The following MGAT5B variants were observed in gnomAD, a reference collection of about 807,000 sequenced individuals.
The protein encoded by MGAT5B is alpha-1,6-mannosylglycoprotein 6-beta-N-acetylglucosaminyltransferase B.
A neutral mutation model predicts 95.1 loss-of-function variants in MGAT5B; 54 were observed. That is an observed-to-expected ratio of 0.57 (90% confidence interval 0.46 to 0.71). The LOEUF is 0.71. MGAT5B is among the 30% of genes least tolerant of loss of function. MGAT5B has a pLI of 0.00. For missense variants in MGAT5B, 935 were observed against 1,088.6 expected (o/e 0.86, Z 1.99); for synonymous variants, 464 against 451.0 (o/e 1.03, Z -0.36).
At chr17:76,872,599 T>A (rs151248673) in intron 1 of MGAT5B, 9 of 1,417,354 alleles carry the variant, frequency 6.3e-6, no homozygotes, top group African/African-American at 4.3e-5. Context: ...GCCTGCCTCA[T>A]GCCTAAGTGT....
chr17:76,892,395 G>A (rs1478821407), intron 3 of MGAT5B, among the ~76,000 whole-genome samples: 1 of 152,242 alleles, frequency 6.6e-6, no homozygotes, highest in Non-Finnish European at 1.5e-5. Context: ...CTGGGCCAGT[G>A]ACCTCTGCCC....
At chr17:76,872,056 C>T (rs1193865745) in intron 1 of MGAT5B, among the ~76,000 whole-genome samples, 1 of 152,148 alleles carries the variant, frequency 6.6e-6, no homozygotes, top group African/African-American at 2.4e-5. Context: ...CTGTTCTGAC[C>T]AGCCCTCCCT....
Position 76,889,983 on chromosome 17 carries a change from G to A in MGAT5B, c.329+7685G>A, listed in dbSNP as rs1362244452. ...CCAGCTTTTCTGTTGAAGGCAGGGC[G>A]GGACCAGAGACCTTCACTCCCCTAC... On this transcript the variant is annotated intron_variant, in intron 3 of 17. Transcript: ENST00000569840. This position sits in a 1 kb window ranked among gnomAD's most constrained non-coding sequence, Gnocchi z 4.4. Among the ~76,000 whole-genome samples the A allele has an allele frequency of 2.0e-5, 3 of 152,224 alleles. No homozygotes were observed. The highest frequency in any genetic ancestry group is 2.9e-5 in the Non-Finnish European group (2 of 68,032).
chr17:76,941,088 G>A (rs1969852203), intron 15 of MGAT5B, among the ~76,000 whole-genome samples: 2 of 152,238 alleles, frequency 1.3e-5, no homozygotes, highest in Admixed American at 6.5e-5. Flanking sequence ...TTTGTGCAGT[G>A]AGCAACCTGC....
chr17:76,869,344 G>A lies in MGAT5B; in HGVS notation c.68+247G>A, dbSNP rs1966908953. ...AGGGTTGGAGAGGACTCGGGGTGCA[G>A]AGGTAAGAATGGGGGCAGAAAACCC... is the stretch of plus-strand genomic sequence containing the variant. On this transcript the variant is annotated intron_variant, in intron 1 of 17. Transcript: ENST00000569840. This position sits in a 1 kb window ranked among gnomAD's most constrained non-coding sequence, Gnocchi z 7.0. 6.6e-6 allele frequency among the ~76,000 whole-genome samples: 1 copy of A among 152,072 alleles called. No homozygotes were observed. The highest frequency in any genetic ancestry group is 1.5e-5 in the Non-Finnish European group (1 of 68,006).
At position 76,870,057 on chromosome 17, in the gene MGAT5B, C is replaced by T. The variant is rs1038548647; in HGVS notation, c.68+960C>T. Among the ~76,000 whole-genome samples the T allele has an allele frequency of 6.6e-6, 1 of 152,184 alleles. No homozygotes were observed. The highest frequency in any genetic ancestry group is 6.5e-5 in the Admixed American group (1 of 15,286). ...ACCGCCCCGGCGCGGGGGCCGGACT[C>T]GGGACGTGGCCACAGGTGGGCTCCG... On this transcript the variant is annotated intron_variant, in intron 1 of 17. Coordinates refer to ENST00000569840, the MANE Select transcript of MGAT5B (RefSeq NM_001199172.2). The surrounding 1 kb of genome is among the most constrained non-coding windows in gnomAD (Gnocchi z 5.0).
chr17:76,933,263 T>A, intron 11 of MGAT5B, 29 bp from the exon 12 acceptor site: 1 of 1,598,328 alleles, frequency 6.3e-7, no homozygotes, highest in South Asian at 1.1e-5. Flanking sequence ...CTCTCTCTGT[T>A]CCTTGTGCTC....
intron 10 of MGAT5B, among the ~76,000 whole-genome samples, chr17:76,927,968 A>C (rs909556919): frequency 3.3e-5 from 5 of 152,376 alleles, no homozygotes; most frequent in Non-Finnish European, 7.3e-5. Context: ...TGTCAAATTC[A>C]TGGCATCTCT....
rs745536227 is a variant in MGAT5B, at chr17:76,906,500, G to A, written c.1025+313G>A. ...TTGTGGAATTGAGCCACGTCTGCAC[G>A]TGGGGTCCCCTCTGCCTGCCGTCCT... On this transcript the variant is annotated intron_variant, in intron 8 of 17. Coordinates refer to ENST00000569840, the MANE Select transcript of MGAT5B (RefSeq NM_001199172.2). The surrounding 1 kb of genome is among the most constrained non-coding windows in gnomAD (Gnocchi z 4.6). Among the ~76,000 whole-genome samples the A allele has an allele frequency of 6.6e-5, 10 of 152,250 alleles. No homozygotes were observed. The highest frequency in any genetic ancestry group is 4.6e-4 in the Admixed American group (7 of 15,292).
intron 15 of MGAT5B, among the ~76,000 whole-genome samples, chr17:76,944,872 G>A (rs975355361): frequency 6.6e-6 from 1 of 152,246 alleles, no homozygotes; most frequent in African/African-American, 2.4e-5. Context: ...ACGCTGATGA[G>A]GAAGAAAGGA....
intron 8 of MGAT5B, among the ~76,000 whole-genome samples, chr17:76,924,589 C>T (rs1345718495): frequency 1.3e-5 from 2 of 152,206 alleles, no homozygotes; most frequent in African/African-American, 2.4e-5. Flanking sequence ...CAGACAAACA[C>T]GTAGCTGCGC....
chr17:76,882,326 G>A (rs376458049), intron 3 of MGAT5B, 28 bp downstream of exon 3: 106 of 1,550,998 alleles, frequency 6.8e-5, no homozygotes, highest in South Asian at 1.5e-4. Flanking sequence ...GGAGGCACAC[G>A]GAGCAGGGGA....
At chr17:76,946,825 G>A (rs147371727) in intron 16 of MGAT5B, among the ~76,000 whole-genome samples, 83 of 152,372 alleles carry the variant, frequency 5.4e-4, no homozygotes, top group African/African-American at 1.8e-3. Context: ...ACCTGCTAAG[G>A]ATGGCAGTGA....
chr17:76,940,812 G>C lies in MGAT5B; in HGVS notation c.1812G>C (p.Glu604Asp). ...VWTVDYNNSE[E>D]FEAAIKAIMR... ...CAGTCGACTACAACAACTCAGAGGAGTTTGAAGCAGCCATCAAGGCCATTA... is the reference window on the plus strand; with the variant it reads ...CAGTCGACTACAACAACTCAGAGGACTTTGAAGCAGCCATCAAGGCCATTA... The change falls in exon 15 of 18, where the codon GAG (glutamate) becomes GAC (aspartate). Residue 604 changes from glutamate to aspartate, a missense_variant. Glu to Asp is a conservative substitution (Grantham distance 45, BLOSUM62 2). Around this residue, in one of 4 missense-constraint regions of MGAT5B, gnomAD observed 440 missense variants for 523.6 expected, o/e 0.84. Transcript: ENST00000569840. The surrounding 1 kb of genome is among the most constrained non-coding windows in gnomAD (Gnocchi z 4.3). 1 of 1,614,136 alleles carries C rather than the reference G, an allele frequency of 6.2e-7. No individual in the cohort carries two copies. The highest frequency in any genetic ancestry group is 8.5e-7 in the Non-Finnish European group (1 of 1,180,034).
intron 15 of MGAT5B, among the ~76,000 whole-genome samples, chr17:76,946,008 T>C (rs1329553958): frequency 1.5e-5 from 2 of 136,824 alleles, no homozygotes; most frequent in East Asian, 5.1e-4. Flanking sequence ...CAGGGAAAGC[T>C]CCCTGGAGCA....
rs568578644 is a variant in MGAT5B, at chr17:76,918,891, A to G, written c.1026-6075A>G. ...TTTTTAATTAGGTCCCTCCCACACAAGAGAAAGAGAGAGAGAATAGTGTGT... is the reference window on the plus strand; with the variant it reads ...TTTTTAATTAGGTCCCTCCCACACAGGAGAAAGAGAGAGAGAATAGTGTGT... On this transcript the variant is annotated intron_variant, in intron 8 of 17. Transcript: ENST00000569840. This position sits in a 1 kb window ranked among gnomAD's most constrained non-coding sequence, Gnocchi z 5.1. 9.1e-5 allele frequency among the ~76,000 whole-genome samples: 13 copies of G among 143,002 alleles called. No individual in the cohort carries two copies. The East Asian group carries it at 2.5e-3, about 28-fold the overall frequency. The allele number at this position is 143,002 out of a possible 152,430, so 93.8% of individuals were successfully genotyped here. A position where few individuals can be genotyped will look rare whatever the true frequency, so the allele number is the denominator to read the frequency against.
intron 2 of MGAT5B, among the ~76,000 whole-genome samples, chr17:76,879,094 A>G (rs113148081): frequency 0.046 from 6,987 of 152,194 alleles, 418 homozygotes; most frequent in African/African-American, 0.13. Context: ...GCCAGCCCTC[A>G]TAGTTTTTGG....
chr17:76,914,326 G>A lies in MGAT5B; in HGVS notation c.1025+8139G>A, dbSNP rs1367125755. On this transcript the variant is annotated intron_variant, in intron 8 of 17. Coordinates refer to ENST00000569840, the MANE Select transcript of MGAT5B (RefSeq NM_001199172.2). This position sits in a 1 kb window ranked among gnomAD's most constrained non-coding sequence, Gnocchi z 5.1. ...TGTCTGCACTCCTCCAAGGAGCTTG[G>A]CCAGGAGCCGGGAGGAGAAAGAGCG... Among the ~76,000 whole-genome samples, 1 of 152,218 alleles carries A rather than the reference G, an allele frequency of 6.6e-6. No homozygotes were observed. Among genetic ancestry groups the A allele is most frequent in the South Asian group, 2.1e-4 (1 of 4,836 alleles).
In MGAT5B at chr17:76,869,036, A is replaced by G. The variant is rs1966895158; in HGVS notation, c.7A>G (p.Thr3Ala). The change falls in exon 1 of 18, where the codon ACC (threonine) becomes GCC (alanine). Residue 3 changes from threonine to alanine, a missense_variant. Thr to Ala is a moderately conservative substitution (Grantham distance 58). Transcript: ENST00000569840. The surrounding 1 kb of genome is among the most constrained non-coding windows in gnomAD (Gnocchi z 7.0). The stretch of plus-strand genomic sequence containing the variant: ...GCACCAACAAGTTTGAACAATGATC[A>G]CCGTCAACCCCGATGGGAAGATAAT... MI[T>A]VNPDGKIMVR... The G allele has an allele frequency of 2.5e-6, 4 of 1,613,848 alleles. No individual in the cohort carries two copies. Among genetic ancestry groups the G allele is most frequent in the Non-Finnish European group, 2.5e-6 (3 of 1,179,914 alleles).
Sources: allele counts gnomAD v4.1 joint callset (sites outside exome capture counted in the v4.1 genomes callset), GRCh38; gene constraint gnomAD v4.1.1; regional missense constraint gnomAD v4.1.1; non-coding constraint Gnocchi (gnomAD v3.1); transcripts MANE v1.5; gene names NCBI Gene and HGNC (gene_info 2026-07-23, HGNC 2026-07-21).